DLGAP1: variants seen among roughly 807,000 people sequenced by gnomAD.
DLGAP1 encodes the protein disks large-associated protein 1.
Under a neutral mutation model 90.8 loss-of-function variants are expected in DLGAP1, and 11 were observed. The ratio of observed to expected loss-of-function variants is 0.12; its 90% CI spans 0.08 to 0.20. The LOEUF (loss-of-function observed/expected upper bound fraction) is 0.20, where lower values mean the gene tolerates loss of function less well. Among genes scored for constraint, DLGAP1 ranks in the 10% least tolerant of loss-of-function variants. The probability of loss-of-function intolerance (pLI) is 1.00; values close to 1 mark genes in which losing one functional copy is unlikely to be tolerated. For missense variants in DLGAP1, 1,050 were observed against 1,333.8 expected, an observed-to-expected ratio of 0.79 and a Z score of 3.31; for synonymous variants, 558 against 540.7, an observed-to-expected ratio of 1.03 and a Z score of -0.44.
chr18:3,797,220 T>C (rs1464771656), intron 5 of DLGAP1, among the ~76,000 whole-genome samples: 2 of 151,616 alleles, frequency 1.3e-5, no homozygotes, highest in Non-Finnish European at 2.9e-5. Context: ...TAGTCCCAGC[T>C]ACTCAGGAGG....
At chr18:4,125,656 A>G (rs976136977) in intron 2 of DLGAP1, among the ~76,000 whole-genome samples, 1 of 152,146 alleles carries the variant, frequency 6.6e-6, no homozygotes, top group Non-Finnish European at 1.5e-5. Flanking sequence ...CAAACAAACG[A>G]AAAACAAAAA....
Position 4,387,016 on chromosome 18 carries a change from T to C in DLGAP1, c.-267+67990A>G, listed in dbSNP as rs1000711423. Among the ~76,000 whole-genome samples, 9 of 152,158 alleles carry C rather than the reference T, an allele frequency of 5.9e-5. 1 individual carries two copies. Among genetic ancestry groups the C allele is most frequent in the African/African-American group, 2.2e-4 (9 of 41,438 alleles). On this transcript the variant is annotated intron_variant, in intron 1 of 12. Coordinates refer to ENST00000315677, the MANE Select transcript of DLGAP1 (RefSeq NM_004746.4). ...AACTACCTTTCTAAGTCACTCGCAA[T>C]GAAACAAGATTTAAGTTAGTATGGG...
chr18:3,928,458 G>A (rs1054798966), intron 3 of DLGAP1, among the ~76,000 whole-genome samples: 14 of 152,122 alleles, frequency 9.2e-5, no homozygotes, highest in Non-Finnish European at 7.4e-5. Flanking sequence ...TTTATTGATG[G>A]TTTTTAGCAC....
intron 3 of DLGAP1, among the ~76,000 whole-genome samples, chr18:3,889,139 A>G (rs1196286867): frequency 6.6e-6 from 1 of 152,228 alleles, no homozygotes; most frequent in Non-Finnish European, 1.5e-5. Flanking sequence ...AAAAACTTGC[A>G]AACTACTGAT....
rs573766323 is a variant in DLGAP1, at chr18:4,032,845, G to A, written c.-158-27644C>T. ...CAAACCTCTCTGTCTCTGTCTCTCC[G>A]TCTCTGTAAGCTTCTTGATGATAGC... On this transcript the variant is annotated intron_variant, in intron 2 of 12. Transcript: ENST00000315677. 6.5e-4 allele frequency among the ~76,000 whole-genome samples: 99 copies of A among 152,208 alleles called. 1 individual carries two copies. Among genetic ancestry groups the A allele is most frequent in the Non-Finnish European group, 1.0e-3 (70 of 68,010 alleles).
In DLGAP1 at chr18:3,866,405, G is replaced by C. The variant is rs566020667; in HGVS notation, c.957+12707C>G. ...GGATCATTAAACTCTTTCTTAGACA[G>C]CTTAGATTGATTAATAGGGAAGGAA... is the stretch of plus-strand genomic sequence containing the variant. On this transcript the variant is annotated intron_variant, in intron 4 of 12. Transcript: ENST00000315677. Among the ~76,000 whole-genome samples, 29 of 152,270 alleles carry C rather than the reference G, an allele frequency of 1.9e-4. No homozygotes were observed. In the South Asian group the frequency reaches 5.8e-3, roughly 30 times the overall value.
chr18:3,524,104 A>G (rs1347296992), intron 10 of DLGAP1, among the ~76,000 whole-genome samples: 1 of 152,100 alleles, frequency 6.6e-6, no homozygotes, highest in East Asian at 1.9e-4. Context: ...TCTTGTATCC[A>G]CAAATAAGAA....
intron 2 of DLGAP1, among the ~76,000 whole-genome samples, chr18:4,082,709 C>G (rs1022819593): frequency 6.7e-6 from 1 of 149,668 alleles, no homozygotes; most frequent in South Asian, 2.1e-4. Flanking sequence ...CCCCTACACT[C>G]CATTTTTGCA....
intron 8 of DLGAP1, among the ~76,000 whole-genome samples, chr18:3,576,356 T>C (rs1226931220): frequency 6.7e-6 from 1 of 149,370 alleles, no homozygotes; most frequent in Non-Finnish European, 1.5e-5. Flanking sequence ...GCCTGCAGGG[T>C]TCAATCAATT....
chr18:4,197,209 GA>G (rs1355037860), intron 1 of DLGAP1, among the ~76,000 whole-genome samples: 1 of 107,666 alleles, frequency 9.3e-6, no homozygotes, highest in African/African-American at 3.7e-5. Flanking sequence ...AAAAAAAAAA[GA>G]AAAAAAAAGA....
At chr18:4,333,623 ATT>A (rs373517542) in intron 1 of DLGAP1, among the ~76,000 whole-genome samples, 2 of 141,102 alleles carry the variant, frequency 1.4e-5, no homozygotes, top group Non-Finnish European at 1.5e-5. Flanking sequence ...TATATATATA[ATT>A]TTTTTTTTTT....
intron 1 of DLGAP1, among the ~76,000 whole-genome samples, chr18:4,411,987 A>T (rs1364977262): frequency 6.6e-6 from 1 of 152,228 alleles, no homozygotes; most frequent in Admixed American, 6.5e-5. Flanking sequence ...TGGATGCGAC[A>T]TGCTTATATA....
chr18:4,356,958 C>G (rs2081529198), intron 1 of DLGAP1, among the ~76,000 whole-genome samples: 1 of 152,032 alleles, frequency 6.6e-6, no homozygotes, highest in Admixed American at 6.5e-5. Flanking sequence ...AAGGATAACA[C>G]TCCCCCTTCA....
chr18:4,396,581 T>C (rs573367472), intron 1 of DLGAP1, among the ~76,000 whole-genome samples: 1 of 152,260 alleles, frequency 6.6e-6, no homozygotes, highest in South Asian at 2.1e-4. Context: ...GTGCTGGGTA[T>C]TGGCGCTCTC....
Position 3,733,366 on chromosome 18 carries a change from T to A in DLGAP1, c.1351-3991A>T, listed in dbSNP as rs182365870. 2.9e-4 allele frequency among the ~76,000 whole-genome samples: 44 copies of A among 152,338 alleles called. 1 individual carries two copies. In the Middle Eastern group the frequency reaches 0.01, roughly 35 times the overall value. The stretch of plus-strand genomic sequence containing the variant: ...AGATTGATATGCATTCAGTAGAAAC[T>A]GTACTTTGAATTTTGAGTTTAGATC... On this transcript the variant is annotated intron_variant, in intron 6 of 12. Transcript: ENST00000315677.
Position 3,649,946 on chromosome 18 carries a change from T to C in DLGAP1, c.1592-67698A>G, listed in dbSNP as rs1174500925. 5.9e-5 allele frequency among the ~76,000 whole-genome samples: 9 copies of C among 152,356 alleles called. No individual in the cohort carries two copies. The East Asian group carries it at 1.7e-3, about 29-fold the overall frequency. ...TTCTTTCCACACATCTTCCAGTTTC[T>C]GGGTCACGTGGCTCCACCTCTGCCA... On this transcript the variant is annotated intron_variant, in intron 7 of 12. Transcript: ENST00000315677.
chr18:3,876,369 A>G (rs1454252859), intron 4 of DLGAP1, among the ~76,000 whole-genome samples: 1 of 152,152 alleles, frequency 6.6e-6, no homozygotes. Context: ...TTACTAACAT[A>G]CTACCTCCCA....
intron 4 of DLGAP1, among the ~76,000 whole-genome samples, chr18:3,849,076 G>A (rs2069188959): frequency 1.3e-5 from 2 of 152,124 alleles, no homozygotes; most frequent in Admixed American, 6.5e-5. Context: ...CTTTGCAAAC[G>A]CTCTTCCCTC....
intron 2 of DLGAP1, among the ~76,000 whole-genome samples, chr18:4,092,654 G>A (rs1235727926): frequency 6.6e-6 from 1 of 151,976 alleles, no homozygotes; most frequent in African/African-American, 2.4e-5. Flanking sequence ...CTTCTCTATC[G>A]GCTTAAGGCT....
Sources: gnomAD v4.1 joint callset for allele counts (sites outside exome capture counted in the v4.1 genomes callset) on GRCh38, gnomAD v4.1.1 for gene constraint, MANE v1.5 for transcripts, NCBI Gene and HGNC (gene_info 2026-07-23, HGNC 2026-07-21) for gene names.